WDFY2: variants seen among roughly 807,000 people sequenced by gnomAD.
WDFY2 encodes the protein WD repeat and FYVE domain containing 2.
In WDFY2, 36 loss-of-function variants were observed where a neutral mutation model predicts 56.4. That is an observed-to-expected ratio of 0.64 (90% CI 0.49 to 0.84). The LOEUF (loss-of-function observed/expected upper bound fraction) is 0.84. WDFY2 is among the 40% of genes least tolerant of loss of function. WDFY2 has a pLI of 0.00. For missense variants in WDFY2, 444 were observed against 512.2 expected (o/e 0.87, Z 1.29); for synonymous variants, 176 against 183.7 (o/e 0.96, Z 0.34).
At chr13:51,662,646 TTCA>T (rs1955636217) in intron 2 of WDFY2, among the ~76,000 whole-genome samples, 1 of 152,212 alleles carries the variant, frequency 6.6e-6, no homozygotes, top group African/African-American at 2.4e-5. Context: ...TAGTTGTGTT[TTCA>T]TCATTTAGTA....
At chr13:51,693,042 C>T (rs1256656486) in intron 3 of WDFY2, among the ~76,000 whole-genome samples, 1 of 150,518 alleles carries the variant, frequency 6.6e-6, no homozygotes, top group East Asian at 1.9e-4. Context: ...GTGGTGATAT[C>T]CCCTTTATCA....
chr13:51,751,479 T>A (rs1331430955), intron 8 of WDFY2, 64 bp downstream of exon 8: 2 of 1,400,794 alleles, frequency 1.4e-6, no homozygotes, highest in Non-Finnish European at 2.0e-6. Flanking sequence ...TCCTGCTTAT[T>A]TCTTATTTCT....
At chr13:51,621,505 CA>C (rs1023391781) in intron 1 of WDFY2, among the ~76,000 whole-genome samples, 2 of 151,116 alleles carry the variant, frequency 1.3e-5, no homozygotes, top group Non-Finnish European at 3.0e-5. Flanking sequence ...AACTTCGTCT[CA>C]AAAAAAACAA....
chr13:51,658,282 C>T (rs1955547451), intron 1 of WDFY2, among the ~76,000 whole-genome samples: 1 of 152,162 alleles, frequency 6.6e-6, no homozygotes, highest in South Asian at 2.1e-4. Context: ...ATGCCTGCGT[C>T]CGATAAGGAT....
At chr13:51,633,298 G>T (rs1954988153) in intron 1 of WDFY2, among the ~76,000 whole-genome samples, 1 of 152,212 alleles carries the variant, frequency 6.6e-6, no homozygotes, top group South Asian at 2.1e-4. Flanking sequence ...CACCCCATGT[G>T]TAGTGGAGTG....
At chr13:51,728,878 A>T (rs909154603) in intron 6 of WDFY2, among the ~76,000 whole-genome samples, 1 of 151,534 alleles carries the variant, frequency 6.6e-6, no homozygotes, top group Non-Finnish European at 1.5e-5. Flanking sequence ...TCTGGGGGGG[A>T]CCCAGAACTG....
intron 3 of WDFY2, among the ~76,000 whole-genome samples, chr13:51,690,823 G>T (rs945549573): frequency 3.7e-4 from 56 of 152,296 alleles, no homozygotes; most frequent in African/African-American, 1.3e-3. Context: ...CAGTGTAAAA[G>T]TGTTCCTATT....
At position 51,719,221 on chromosome 13, in the gene WDFY2, A is replaced by T; in HGVS notation, c.358A>T (p.Ile120Phe). 6.2e-7 allele frequency: 1 copy of T among 1,614,162 alleles called. No individual in the cohort carries two copies. The highest frequency in any genetic ancestry group is 8.5e-7 in the Non-Finnish European group (1 of 1,180,036). ...YQAHQSRVTM[I>F]LFVLELEWVL... ...AGCGCATCAGAGCAGAGTGACGATG[A>T]TCCTGTTTGTCCTGGAGCTGGAGTG... Residue 120 changes from isoleucine to phenylalanine, a missense_variant, in exon 5 of 12, where the codon ATC (isoleucine) becomes TTC (phenylalanine). Physicochemically the swap from Ile to Phe is conservative, Grantham distance 21. Transcript: ENST00000298125.
intron 8 of WDFY2, among the ~76,000 whole-genome samples, chr13:51,754,145 A>G (rs976767460): frequency 2.0e-5 from 3 of 150,742 alleles, no homozygotes; most frequent in African/African-American, 7.3e-5. Context: ...GTCTGGTTCT[A>G]TTTCCAACTT....
At chr13:51,598,755 A>T (rs980292495) in intron 1 of WDFY2, 1 of 152,190 alleles carries the variant, frequency 6.6e-6, no homozygotes, top group African/African-American at 2.4e-5. Flanking sequence ...GTAAATAAAA[A>T]TATTCTCCTC....
intron 1 of WDFY2, among the ~76,000 whole-genome samples, chr13:51,625,015 T>A (rs193293953): frequency 6.6e-6 from 1 of 152,348 alleles, no homozygotes; most frequent in East Asian, 1.9e-4. Context: ...TGCAGAGTTT[T>A]GAGCAGATCA....
At chr13:51,620,323 G>C (rs1285612383) in intron 1 of WDFY2, among the ~76,000 whole-genome samples, 1 of 152,092 alleles carries the variant, frequency 6.6e-6, no homozygotes, top group African/African-American at 2.4e-5. Flanking sequence ...CTGGCCTGTT[G>C]CCTGGACTGG....
chr13:51,653,882 G>A (rs573580517), intron 1 of WDFY2, among the ~76,000 whole-genome samples: 95 of 152,358 alleles, frequency 6.2e-4, no homozygotes, highest in Middle Eastern at 3.4e-3. Context: ...CAGTCTGTCC[G>A]TTCTCAGATC....
rs1432173674 is a variant in WDFY2 at position 51,766,858 on chromosome 13, G to T, written c.*7089G>T. The stretch of plus-strand genomic sequence containing the variant: ...CACACACCGACAACCTTGCTGTGCT[G>T]TTTAGCCCTGTGGGTTCTGTCCAGT... On this transcript the variant is annotated 3_prime_UTR_variant, in exon 12 of 12. Transcript: ENST00000298125. 6.6e-6 allele frequency: 1 copy of T among 152,286 alleles called. No homozygotes were observed. Among genetic ancestry groups the T allele is most frequent in the Non-Finnish European group, 1.5e-5 (1 of 68,106 alleles). The allele number at this position is 152,286 out of a possible 1,614,324, so 9.4% of individuals were successfully genotyped here. A position where few individuals can be genotyped will look rare whatever the true frequency, so the allele number is the denominator to read the frequency against.
rs2138357487 is a variant in WDFY2, at chr13:51,621,439, A to G, written c.137+36615A>G. Among the ~76,000 whole-genome samples, 3 of 152,300 alleles carry G rather than the reference A, an allele frequency of 2.0e-5. No individual in the cohort carries two copies. The East Asian group carries it at 5.8e-4, about 29-fold the overall frequency. ...AGAATCGCTTGAACCCGGGAGGCGG[A>G]GTTTGCAGTGAGCCAAGATCGCGCC... On this transcript the variant is annotated intron_variant, in intron 1 of 11. Transcript: ENST00000298125.
chr13:51,742,782 G>A (rs1181925939), intron 7 of WDFY2, among the ~76,000 whole-genome samples: 2 of 152,038 alleles, frequency 1.3e-5, no homozygotes, highest in Non-Finnish European at 2.9e-5. Flanking sequence ...CAGCTTATGT[G>A]AGGCTAGGTC....
chr13:51,611,352 ATGG>A (rs1466725796), intron 1 of WDFY2, among the ~76,000 whole-genome samples: 2 of 152,220 alleles, frequency 1.3e-5, no homozygotes, highest in African/African-American at 2.4e-5. Context: ...TGTGTTAGAA[ATGG>A]TGGTCATTAT....
intron 1 of WDFY2, among the ~76,000 whole-genome samples, chr13:51,613,275 G>A (rs1954539029): frequency 6.6e-6 from 1 of 152,070 alleles, no homozygotes; most frequent in African/African-American, 2.4e-5. Flanking sequence ...TACAGCATAT[G>A]CCCCCCATCT....
chr13:51,602,766 A>G (rs1954310813), intron 1 of WDFY2, among the ~76,000 whole-genome samples: 1 of 152,220 alleles, frequency 6.6e-6, no homozygotes, highest in African/African-American at 2.4e-5. Flanking sequence ...TATTGGAGAG[A>G]TAAATGACTA....
Sources: allele counts gnomAD v4.1 joint callset (sites outside exome capture counted in the v4.1 genomes callset), GRCh38; gene constraint gnomAD v4.1.1; transcripts MANE v1.5; gene names NCBI Gene and HGNC (gene_info 2026-07-23, HGNC 2026-07-21).